The following IWS1 variants were observed in gnomAD, a reference collection of about 807,000 sequenced individuals.
IWS1 encodes the protein interacts with SUPT6H, CTD assembly factor 1.
A neutral mutation model predicts 86.7 loss-of-function variants in IWS1; 27 were observed. The observed-to-expected ratio is 0.31, with a 90% CI of 0.23 to 0.43. IWS1 has a LOEUF of 0.43. IWS1 is among the 20% of genes least tolerant of loss of function. The pLI is 1.00. For missense variants in IWS1, 827 were observed against 1,000.8 expected, an observed-to-expected ratio of 0.83 and a Z score of 2.34; for synonymous variants, 313 against 335.1, an observed-to-expected ratio of 0.93 and a Z score of 0.72.
intron 10 of IWS1, 131 bp downstream of exon 10, chr2:127,491,840 T>C: frequency 3.1e-6 from 2 of 646,028 alleles, no homozygotes; most frequent in East Asian, 5.1e-5. Flanking sequence ...TAAGAAGTTA[T>C]TCAAAAATTT....
intron 9 of IWS1, 28 bp from the exon 10 acceptor site, chr2:127,492,116 A>G: frequency 7.0e-7 from 1 of 1,433,342 alleles, no homozygotes; most frequent in African/African-American, 1.4e-5. Context: ...ATACACACAT[A>G]TTAATCACTC....
In IWS1 at chr2:127,499,570, T is replaced by C. The variant is rs1171860520; in HGVS notation, c.1468-1333A>G. ...AGGTAAGTATACCTTATTCTTACAA[T>C]ATGGTGCTTAACTAAGTATGAGCTC... is the stretch of plus-strand genomic sequence containing the variant. On this transcript the variant is annotated intron_variant, in intron 5 of 13. Coordinates refer to ENST00000295321, the MANE Select transcript of IWS1 (RefSeq NM_017969.3). The surrounding 1 kb of genome is among the most constrained non-coding windows in gnomAD (Gnocchi z 4.0). Among the ~76,000 whole-genome samples the C allele has an allele frequency of 1.3e-5, 2 of 152,206 alleles. No homozygotes were observed. The highest frequency in any genetic ancestry group is 4.8e-5 in the African/African-American group (2 of 41,440).
In IWS1 at chr2:127,505,067, T is replaced by A; in HGVS notation, c.836A>T (p.Glu279Val). The change falls in exon 3 of 14, where the codon GAG becomes GTG. Residue 279 changes from glutamate to valine, a missense_variant. Physicochemically the swap from Glu to Val is moderately radical, Grantham distance 121. Transcript: ENST00000295321. This position sits in a 1 kb window ranked among gnomAD's most constrained non-coding sequence, Gnocchi z 5.0. ...ACTGGCCTGGTTCCTTGGGGGATCC[T>A]CACTTTCCGAATCACTGATTCGGGG... ...PKPRISDSES[E>V]DPPRNQASDS... 1 of 1,612,294 alleles carries A rather than the reference T, an allele frequency of 6.2e-7. No homozygotes were observed. The highest frequency in any genetic ancestry group is 1.1e-5 in the South Asian group (1 of 90,806).
At chr2:127,510,764 T>C (rs1691405765) in intron 2 of IWS1, among the ~76,000 whole-genome samples, 1 of 152,100 alleles carries the variant, frequency 6.6e-6, no homozygotes, top group Non-Finnish European at 1.5e-5. Context: ...TTTAAGATTT[T>C]ATAATAATGA....
rs144484430 is a variant in IWS1 at position 127,503,779 on chromosome 2, T to C, written c.1220-203A>G. ...TAACTAAATGGCTCATTCAGAGTCA[T>C]CTTACAAATTATCTGTTATTTTGCT... On this transcript the variant is annotated intron_variant, in intron 3 of 13. Transcript: ENST00000295321. Among the ~76,000 whole-genome samples the C allele has an allele frequency of 1.1e-4, 16 of 152,230 alleles. No individual in the cohort carries two copies. The East Asian group carries it at 2.3e-3, about 22-fold the overall frequency.
At chr2:127,490,444 T>C (rs186300543) in intron 10 of IWS1, among the ~76,000 whole-genome samples, 1 of 152,324 alleles carries the variant, frequency 6.6e-6, no homozygotes. Flanking sequence ...AAGTCTAACA[T>C]AGCTGCTACA....
rs773081035 is a variant in IWS1, at chr2:127,526,471, T to C, written c.-263A>G. On this transcript the variant is annotated 5_prime_UTR_variant, in exon 1 of 14. Transcript: ENST00000295321. ...GCGTTCTACTTCCTAGAAGCACCGC[T>C]GGGGCCAAAATGGCGTCTGCCCACG... The C allele has an allele frequency of 3.3e-5, 51 of 1,528,712 alleles. No homozygotes were observed. Among genetic ancestry groups the C allele is most frequent in the African/African-American group, 5.5e-5 (4 of 72,578 alleles). 94.7% of individuals were successfully genotyped at this position (1,528,712 alleles called of 1,614,324 possible). A position where few individuals can be genotyped will look rare whatever the true frequency, so the allele number is the denominator to read the frequency against.
At chr2:127,508,747 C>T (rs1480815945) in intron 2 of IWS1, among the ~76,000 whole-genome samples, 3 of 152,126 alleles carry the variant, frequency 2.0e-5, no homozygotes. Flanking sequence ...CTCAGCTATA[C>T]CCTGTCTAGA....
chr2:127,510,681 C>G (rs1020085459), intron 2 of IWS1, among the ~76,000 whole-genome samples: 6 of 150,724 alleles, frequency 4.0e-5, no homozygotes, highest in Non-Finnish European at 7.4e-5. Flanking sequence ...TTTGTAGAGA[C>G]AGTCTGTGTT....
At chr2:127,512,085 A>G (rs575985470) in intron 2 of IWS1, among the ~76,000 whole-genome samples, 3 of 152,284 alleles carry the variant, frequency 2.0e-5, no homozygotes, top group African/African-American at 4.8e-5. Flanking sequence ...TCCATTCCCA[A>G]ACAACATCTT....
Position 127,489,576 on chromosome 2 carries a change from G to A in IWS1, c.2159+256C>T, listed in dbSNP as rs1382274289. The A allele has an allele frequency of 1.9e-6, 1 of 533,060 alleles. No homozygotes were observed. Among genetic ancestry groups the A allele is most frequent in the Non-Finnish European group, 3.3e-6 (1 of 302,896 alleles). The allele number at this position is 533,060 out of a possible 1,614,324, so 33.0% of individuals were successfully genotyped here. A position where few individuals can be genotyped will look rare whatever the true frequency, so the allele number is the denominator to read the frequency against. On this transcript the variant is annotated intron_variant, in intron 11 of 13. Transcript: ENST00000295321. This position sits in a 1 kb window ranked among gnomAD's most constrained non-coding sequence, Gnocchi z 4.8. ...AGAAAGTTGTTTTCTCAAGTGGATG[G>A]AACAACACAAGCAATCAGTATCCTG...
intron 2 of IWS1, among the ~76,000 whole-genome samples, chr2:127,512,798 C>T (rs114232208): frequency 6.6e-6 from 1 of 152,162 alleles, no homozygotes; most frequent in Non-Finnish European, 1.5e-5. Flanking sequence ...CACATGGATA[C>T]CTTAAAGTTT....
In IWS1 at chr2:127,526,214, G is replaced by T; in HGVS notation, c.-6C>A. The T allele has an allele frequency of 6.4e-7, 1 of 1,573,452 alleles. No homozygotes were observed. The highest frequency in any genetic ancestry group is 8.6e-7 in the Non-Finnish European group (1 of 1,160,906). On this transcript the variant is annotated 5_prime_UTR_variant, in exon 1 of 14. Transcript: ENST00000295321. The stretch of plus-strand genomic sequence containing the variant: ...CTGTAATATTCCGAGTCCATGGCAG[G>T]CGGACTCTCAGCGGGGAGTGTCCGC...
At chr2:127,511,259 C>CT (rs1691436181) in intron 2 of IWS1, 1 of 152,206 alleles carries the variant, frequency 6.6e-6, no homozygotes, top group Non-Finnish European at 1.5e-5. Flanking sequence ...AGCCCCAGCT[C>CT]TGCTATTTTC....
At chr2:127,483,591 T>TGGGGGG (rs1187157658) in intron 13 of IWS1, among the ~76,000 whole-genome samples, 2 of 17,520 alleles carry the variant, frequency 1.1e-4, no homozygotes, top group Non-Finnish European at 1.0e-4. Context: ...GGTGGTGGGG[T>TGGGGGG]GGGGGGGTTG....
chr2:127,509,568 T>C (rs899679508), intron 2 of IWS1, among the ~76,000 whole-genome samples: 1 of 151,628 alleles, frequency 6.6e-6, no homozygotes, highest in African/African-American at 2.4e-5. Flanking sequence ...ATTAGCTGAG[T>C]GTGGTGGCGC....
In IWS1 at chr2:127,505,724, A is replaced by G. The variant is rs781190328; in HGVS notation, c.179T>C (p.Leu60Pro). ...GTCTGTCACATGATGTCCTTTGGGG[A>G]GGCCATCTTCTCGATCACTAGTTTC... ...ENETSDREDG[L>P]PKGHHVTDSE... is the part of the protein sequence containing the mutation. Residue 60 changes from leucine to proline, a missense_variant, in exon 3 of 14, where the codon CTC (leucine) becomes CCC (proline). By Grantham distance (98) the Leu-to-Pro change is moderately conservative. Around this residue, in one of 2 missense-constraint regions of IWS1, gnomAD observed 548 missense variants for 560.2 expected, o/e 0.98. Coordinates refer to ENST00000295321, the MANE Select transcript of IWS1 (RefSeq NM_017969.3). This position sits in a 1 kb window ranked among gnomAD's most constrained non-coding sequence, Gnocchi z 5.0. 7 of 1,556,844 alleles carry G rather than the reference A, an allele frequency of 4.5e-6. No homozygotes were observed. Among genetic ancestry groups the G allele is most frequent in the Non-Finnish European group, 1.7e-6 (2 of 1,154,694 alleles).
intron 1 of IWS1, 36 bp downstream of exon 1, chr2:127,526,139 C>T: frequency 6.4e-7 from 1 of 1,574,282 alleles, no homozygotes; most frequent in Non-Finnish European, 8.6e-7. Flanking sequence ...GTAACTGCTC[C>T]GCCTCCCAGC....
Position 127,489,344 on chromosome 2 carries a change from C to A in IWS1, c.2160-109G>T. On this transcript the variant is annotated intron_variant, in intron 11 of 13. Coordinates refer to ENST00000295321, the MANE Select transcript of IWS1 (RefSeq NM_017969.3). This position sits in a 1 kb window ranked among gnomAD's most constrained non-coding sequence, Gnocchi z 4.8. The stretch of plus-strand genomic sequence containing the variant: ...ACCATAACTATTAATAGCTCTTTTA[C>A]GATGGATCAGGGAAAATAATTCCTA... 1.4e-6 allele frequency: 1 copy of A among 709,456 alleles called. No individual in the cohort carries two copies. Among genetic ancestry groups the A allele is most frequent in the Non-Finnish European group, 2.4e-6 (1 of 409,210 alleles). 43.9% of individuals were successfully genotyped at this position (709,456 alleles called of 1,614,324 possible).
Sources: allele counts gnomAD v4.1 joint callset (sites outside exome capture counted in the v4.1 genomes callset), GRCh38; gene constraint gnomAD v4.1.1; regional missense constraint gnomAD v4.1.1; non-coding constraint Gnocchi (gnomAD v3.1); transcripts MANE v1.5; gene names NCBI Gene and HGNC (gene_info 2026-07-23, HGNC 2026-07-21).